The following COL4A6 variants were observed in gnomAD, a reference collection of about 807,000 sequenced individuals.
COL4A6 encodes collagen type IV alpha 6 chain, also known as collagen alpha-6(IV) chain.
A neutral mutation model predicts 126.7 loss-of-function variants in COL4A6; 59 were observed. That is an observed-to-expected ratio of 0.47 (90% confidence interval 0.38 to 0.58). The LOEUF is 0.58. Among genes scored for constraint, COL4A6 ranks in the 20% least tolerant of loss-of-function variants. The pLI, the probability that COL4A6 is intolerant of heterozygous loss-of-function variation, is 0.00. For synonymous variants in COL4A6, 547 were observed against 496.6 expected, an observed-to-expected ratio of 1.10 and a Z score of -1.35; for missense variants, 1,285 against 1,337.3, an observed-to-expected ratio of 0.96 and a Z score of 0.61.
intron 2 of COL4A6, among the ~76,000 whole-genome samples, chrX:108,405,400 G>T (rs1260724781): frequency 9.1e-6 from 1 of 109,438 alleles, no homozygotes; most frequent in Non-Finnish European, 1.9e-5. Flanking sequence ...GGCCAGGCTG[G>T]TCTTGAATTC....
Position 108,156,961 on chromosome X carries a change from G to C in COL4A6, c.*39C>G, listed in dbSNP as rs766540554. The C allele has an allele frequency of 4.3e-6, 5 of 1,166,577 alleles. No homozygotes were observed. In the Admixed American group the frequency reaches 1.1e-4, roughly 26 times the overall value. On this transcript the variant is annotated 3_prime_UTR_variant, in exon 45 of 45. Transcript: ENST00000334504. ...AGGTTTGTGAGGTGACTGTTGTGAG[G>C]GGCAGGGGAGGGCAAGGGGCAGAGT...
chrX:108,277,806 C>T (rs1465852092), intron 3 of COL4A6, among the ~76,000 whole-genome samples: 1 of 111,808 alleles, frequency 8.9e-6, no homozygotes, highest in Non-Finnish European at 1.9e-5. Flanking sequence ...TCCAGAGGAA[C>T]GATCAGACAG....
At chrX:108,255,298 A>G (rs1171682189) in intron 3 of COL4A6, among the ~76,000 whole-genome samples, 1 of 107,994 alleles carries the variant, frequency 9.3e-6, no homozygotes, top group Non-Finnish European at 1.9e-5. Context: ...TGCTGTTTGA[A>G]TTGGACCAAG....
intron 2 of COL4A6, among the ~76,000 whole-genome samples, chrX:108,394,197 T>C (rs146304272): frequency 3.6e-5 from 4 of 111,298 alleles, no homozygotes; most frequent in East Asian, 2.8e-4. Context: ...AGACTGCATG[T>C]TCTCGCTGAT....
At chrX:108,432,819 T>C (rs1475539292) in intron 2 of COL4A6, among the ~76,000 whole-genome samples, 1 of 110,025 alleles carries the variant, frequency 9.1e-6, no homozygotes, top group Non-Finnish European at 1.9e-5. Flanking sequence ...CTGGGTGACA[T>C]AGTGAGACTC....
intron 2 of COL4A6, among the ~76,000 whole-genome samples, chrX:108,336,857 C>T (rs1310170993): frequency 1.8e-5 from 2 of 110,761 alleles, no homozygotes; most frequent in East Asian, 2.8e-4. Flanking sequence ...ACCTTTGTAA[C>T]CATTTAACAC....
At chrX:108,200,680 G>C (rs1329016425) in intron 13 of COL4A6, among the ~76,000 whole-genome samples, 1 of 111,431 alleles carries the variant, frequency 9.0e-6, no homozygotes, top group Non-Finnish European at 1.9e-5. Context: ...ATAAGTTCTA[G>C]TATTCGATAG....
intron 23 of COL4A6, among the ~76,000 whole-genome samples, chrX:108,182,120 C>T (rs1306096746): frequency 1.8e-5 from 2 of 112,196 alleles, no homozygotes; most frequent in Admixed American, 1.9e-4. Context: ...CAGACCTTAG[C>T]TGGTATCCTA....
rs771431031 is a variant in COL4A6, at chrX:108,193,652, C to T, written c.1048G>A (p.Asp350Asn). ...CCTGAGATCACAGCACCATCTATAT[C>T]GATGAAAACATCTGGGCCTGGCAGG... Reference protein sequence around the residue: ...IGLPGPDVFIDIDGAVISGNP... With the variant: ...IGLPGPDVFINIDGAVISGNP... Residue 350 changes from aspartate (D) to asparagine (N), a missense_variant, in exon 17 of 45, where the codon GAT becomes AAT. Asp to Asn is a conservative substitution (Grantham distance 23). Transcript: ENST00000334504. 1.1e-5 allele frequency: 13 copies of T among 1,207,774 alleles called. No homozygotes were observed. Among genetic ancestry groups the T allele is most frequent in the Non-Finnish European group, 1.5e-5 (13 of 893,200 alleles).
intron 2 of COL4A6, among the ~76,000 whole-genome samples, chrX:108,428,501 A>G (rs1259527374): frequency 2.7e-5 from 3 of 111,794 alleles, no homozygotes; most frequent in Non-Finnish European, 5.6e-5. Flanking sequence ...AAAGTATAAT[A>G]TCATCATCCC....
intron 2 of COL4A6, among the ~76,000 whole-genome samples, chrX:108,406,327 A>G (rs1363028176): frequency 1.8e-5 from 2 of 111,599 alleles, no homozygotes; most frequent in Non-Finnish European, 3.8e-5. Context: ...TCCTGACCTT[A>G]TCTTAACCCT....
At position 108,180,984 on chromosome X, in the gene COL4A6, T is replaced by C. The variant is rs746554339; in HGVS notation, c.1952-16A>G. The C allele has an allele frequency of 1.1e-5, 13 of 1,185,270 alleles. No individual in the cohort carries two copies. The South Asian group carries it at 1.8e-4, about 16-fold the overall frequency. ...AGGGTGATTCCTGTAAATGGTAACATGTGTGCATTCAGTGAACCCAGAGTT... is the reference window on the plus strand; with the variant it reads ...AGGGTGATTCCTGTAAATGGTAACACGTGTGCATTCAGTGAACCCAGAGTT... On this transcript the variant is annotated splice_polypyrimidine_tract_variant and intron_variant, in intron 23 of 44. Transcript: ENST00000334504.
At chrX:108,203,053 TGTACTTG>T (rs2035433632) in intron 12 of COL4A6, 72 bp from the exon 13 acceptor site, 1 of 900,652 alleles carries the variant, frequency 1.1e-6, no homozygotes, top group African/African-American at 1.9e-5. Context: ...GCTCTCCACA[TGTACTTG>T]GACTGAGGAG....
At chrX:108,403,659 T>C (rs931565202) in intron 2 of COL4A6, among the ~76,000 whole-genome samples, 3 of 111,674 alleles carry the variant, frequency 2.7e-5, no homozygotes, top group Non-Finnish European at 3.8e-5. Flanking sequence ...CATATTTGTC[T>C]CTTTTTGTTT....
At chrX:108,363,179 G>A (rs1413282606) in intron 2 of COL4A6, among the ~76,000 whole-genome samples, 1 of 111,886 alleles carries the variant, frequency 8.9e-6, no homozygotes, top group Non-Finnish European at 1.9e-5. Context: ...CAAACACAAA[G>A]CAAGATTATT....
chrX:108,302,678 G>A (rs2038520298), intron 3 of COL4A6, among the ~76,000 whole-genome samples: 1 of 110,673 alleles, frequency 9.0e-6, no homozygotes, highest in Non-Finnish European at 1.9e-5. Flanking sequence ...AGGAAAAAAA[G>A]TAAGGGCCCC....
At chrX:108,222,477 T>G (rs779371575) in intron 3 of COL4A6, among the ~76,000 whole-genome samples, 4 of 112,156 alleles carry the variant, frequency 3.6e-5, no homozygotes, top group Non-Finnish European at 7.5e-5. Context: ...GGCTTACTTT[T>G]TAAAAGGCTG....
In COL4A6 at chrX:108,301,456, G is replaced by A. The variant is rs146686077; in HGVS notation, c.144+9292C>T. ...CTAGGGTGGAGGACGAAGGGCAATTGATTTGTTGATATCTCGTGGATGTCT... is the reference window on the plus strand; with the variant it reads ...CTAGGGTGGAGGACGAAGGGCAATTAATTTGTTGATATCTCGTGGATGTCT... On this transcript the variant is annotated intron_variant, in intron 3 of 44. Coordinates refer to ENST00000334504, the MANE Select transcript of COL4A6 (RefSeq NM_033641.4). Among the ~76,000 whole-genome samples the A allele has an allele frequency of 3.9e-3, 431 of 111,658 alleles. 1 individual carries two copies. Among genetic ancestry groups the A allele is most frequent in the African/African-American group, 0.014 (420 of 30,721 alleles).
At chrX:108,374,220 T>G (rs1301932413) in intron 2 of COL4A6, among the ~76,000 whole-genome samples, 1 of 112,298 alleles carries the variant, frequency 8.9e-6, no homozygotes. Context: ...ATTTTTGCCG[T>G]AGCAAAATGA....
Sources: allele counts gnomAD v4.1 joint callset (sites outside exome capture counted in the v4.1 genomes callset), GRCh38; gene constraint gnomAD v4.1.1; transcripts MANE v1.5; gene names NCBI Gene and HGNC (gene_info 2026-07-23, HGNC 2026-07-21).